CHST11: variants seen among roughly 807,000 people sequenced by gnomAD.
CHST11 encodes the protein carbohydrate sulfotransferase 11, also known as C4S-1.
Under a neutral mutation model 30.4 loss-of-function variants are expected in CHST11, and 9 were observed. That is an observed-to-expected ratio of 0.30 (90% confidence interval 0.18 to 0.52). The LOEUF (loss-of-function observed/expected upper bound fraction) is 0.52. Among genes scored for constraint, CHST11 ranks in the 20% least tolerant of loss-of-function variants. The pLI is 0.97. For missense variants in CHST11, 348 were observed against 460.6 expected, an observed-to-expected ratio of 0.76 and a Z score of 2.24; for synonymous variants, 152 against 187.8, an observed-to-expected ratio of 0.81 and a Z score of 1.56.
intron 2 of CHST11, among the ~76,000 whole-genome samples, chr12:104,726,906 C>CA (rs2040221199): frequency 6.6e-6 from 1 of 152,122 alleles, no homozygotes; most frequent in African/African-American, 2.4e-5. Context: ...GGATGTAGGG[C>CA]AGATAAATAT....
chr12:104,537,228 T>G (rs1326012156), intron 1 of CHST11, among the ~76,000 whole-genome samples: 1 of 152,204 alleles, frequency 6.6e-6, no homozygotes, highest in Non-Finnish European at 1.5e-5. Context: ...GGAGTTGTCA[T>G]CTTGGATTGG....
chr12:104,590,400 CTG>C (rs1329641209), intron 1 of CHST11, among the ~76,000 whole-genome samples: 4 of 152,196 alleles, frequency 2.6e-5, no homozygotes, highest in African/African-American at 9.7e-5. Flanking sequence ...ACTGGGGTGA[CTG>C]TATTTCAAAA....
chr12:104,548,766 C>G (rs1043453584), intron 1 of CHST11, among the ~76,000 whole-genome samples: 1 of 152,288 alleles, frequency 6.6e-6, no homozygotes, highest in African/African-American at 2.4e-5. Flanking sequence ...GGGCAGGGCC[C>G]CTTGCCTCCC....
chr12:104,501,007 G>C (rs2037848659), intron 1 of CHST11, among the ~76,000 whole-genome samples: 1 of 152,136 alleles, frequency 6.6e-6, no homozygotes. Context: ...ACCTCCGCTA[G>C]CTCAGCATTT....
chr12:104,760,128 A>G lies in CHST11; in HGVS notation c.*2325A>G, dbSNP rs2040511605. On this transcript the variant is annotated 3_prime_UTR_variant, in exon 3 of 3. Transcript: ENST00000303694. ...AGTCTGTAGCATTTCCTGAACTTAC[A>G]TGACCAGGATACTCTATTTTGCAGA... 6.6e-6 allele frequency: 1 copy of G among 152,160 alleles called. No homozygotes were observed. The highest frequency in any genetic ancestry group is 6.5e-5 in the Admixed American group (1 of 15,276). 9.4% of individuals were successfully genotyped at this position (152,160 alleles called of 1,614,324 possible).
chr12:104,652,989 A>T (rs1350426103), intron 2 of CHST11, among the ~76,000 whole-genome samples: 2 of 152,036 alleles, frequency 1.3e-5, no homozygotes, highest in African/African-American at 2.4e-5. Context: ...CTTTTTTTTT[A>T]AATTGTAAAA....
At chr12:104,713,217 G>C (rs576179445) in intron 2 of CHST11, among the ~76,000 whole-genome samples, 2 of 152,060 alleles carry the variant, frequency 1.3e-5, no homozygotes, top group Non-Finnish European at 2.9e-5. Flanking sequence ...TTTCCACCCC[G>C]GGCCCTCCTC....
chr12:104,460,108 A>C (rs2037393106), intron 1 of CHST11, among the ~76,000 whole-genome samples: 1 of 152,208 alleles, frequency 6.6e-6, no homozygotes, highest in African/African-American at 2.4e-5. Flanking sequence ...TTTCTTTAAA[A>C]GTTAAAGATC....
chr12:104,737,129 G>C (rs576240747), intron 2 of CHST11, among the ~76,000 whole-genome samples: 5 of 152,382 alleles, frequency 3.3e-5, no homozygotes, highest in African/African-American at 1.2e-4. Flanking sequence ...AAGTTAATCA[G>C]AACTTCCCGA....
At chr12:104,679,895 C>T (rs953420242) in intron 2 of CHST11, among the ~76,000 whole-genome samples, 3 of 152,178 alleles carry the variant, frequency 2.0e-5, no homozygotes, top group African/African-American at 4.8e-5. Context: ...AGGAAGAGGC[C>T]TCCCCACAAC....
intron 1 of CHST11, chr12:104,514,588 G>A (rs2038003343): frequency 1.5e-5 from 6 of 399,352 alleles, no homozygotes; most frequent in South Asian, 1.1e-4. Flanking sequence ...GGCTGTACAC[G>A]AAGTATGACG....
chr12:104,506,882 G>A (rs916980722), intron 1 of CHST11, among the ~76,000 whole-genome samples: 7 of 152,146 alleles, frequency 4.6e-5, no homozygotes, highest in Non-Finnish European at 8.8e-5. Context: ...CAGAACAGTC[G>A]ACCTCTAAAT....
intron 2 of CHST11, among the ~76,000 whole-genome samples, chr12:104,659,382 G>A (rs540936693): frequency 2.6e-5 from 4 of 152,138 alleles, no homozygotes; most frequent in South Asian, 2.1e-4. Context: ...TTACTTCTCC[G>A]TATCTCTAAG....
intron 2 of CHST11, among the ~76,000 whole-genome samples, chr12:104,727,168 A>G (rs1166513256): frequency 6.6e-6 from 1 of 151,684 alleles, no homozygotes. Context: ...TCTAGAAGGG[A>G]ATGGTTCTAA....
intron 1 of CHST11, among the ~76,000 whole-genome samples, chr12:104,496,715 G>A (rs2037801109): frequency 6.6e-6 from 1 of 152,106 alleles, no homozygotes; most frequent in South Asian, 2.1e-4. Flanking sequence ...TCAAGTCATA[G>A]ACTAATCCTC....
intron 2 of CHST11, among the ~76,000 whole-genome samples, chr12:104,691,927 C>G (rs1435508548): frequency 6.6e-6 from 1 of 152,226 alleles, no homozygotes; most frequent in Non-Finnish European, 1.5e-5. Context: ...TGGTGAGTGA[C>G]TGCTGTTTAG....
At chr12:104,664,342 A>C (rs7964355) in intron 2 of CHST11, among the ~76,000 whole-genome samples, 1,870 of 152,268 alleles carry the variant, frequency 0.012, 48 homozygotes, top group African/African-American at 0.042. Context: ...TTAAGACTTT[A>C]TTTTTCTAAG....
intron 1 of CHST11, among the ~76,000 whole-genome samples, chr12:104,491,270 T>G (rs1451403772): frequency 6.6e-6 from 1 of 152,144 alleles, no homozygotes; most frequent in Non-Finnish European, 1.5e-5. Flanking sequence ...ACTCATCTCA[T>G]TTGATCTGGA....
chr12:104,477,002 A>G (rs1439728881), intron 1 of CHST11, among the ~76,000 whole-genome samples: 1 of 152,204 alleles, frequency 6.6e-6, no homozygotes, highest in African/African-American at 2.4e-5. Context: ...ATCTGGGAAG[A>G]GAACAGAACT....
Sources: allele counts gnomAD v4.1 joint callset (sites outside exome capture counted in the v4.1 genomes callset), GRCh38; gene constraint gnomAD v4.1.1; transcripts MANE v1.5; gene names NCBI Gene and HGNC (gene_info 2026-07-23, HGNC 2026-07-21).